SLC4A4: variants seen among roughly 807,000 people sequenced by gnomAD.
SLC4A4 encodes the protein solute carrier family 4 member 4, also known as electrogenic sodium bicarbonate cotransporter 1.
SLC4A4 carries 27 observed loss-of-function variants against 111.5 expected under a neutral mutation model. The ratio of observed to expected loss-of-function variants is 0.24; its 90% CI spans 0.18 to 0.33. The LOEUF (loss-of-function observed/expected upper bound fraction) is 0.33, where lower values mean the gene tolerates loss of function less well. SLC4A4 is among the 10% of genes least tolerant of loss of function. The pLI, the probability that SLC4A4 is intolerant of heterozygous loss-of-function variation, is 1.00. For synonymous variants in SLC4A4, 443 were observed against 463.4 expected, an observed-to-expected ratio of 0.96 and a Z score of 0.57; for missense variants, 909 against 1,315.5, an observed-to-expected ratio of 0.69 and a Z score of 4.78.
intron 3 of SLC4A4, among the ~76,000 whole-genome samples, chr4:71,329,666 A>G (rs1327331949): frequency 2.0e-5 from 3 of 152,036 alleles, no homozygotes; most frequent in Non-Finnish European, 4.4e-5. Flanking sequence ...TGTACTTGAT[A>G]TTGTGTCATG....
intron 3 of SLC4A4, among the ~76,000 whole-genome samples, chr4:71,314,032 C>A (rs1726442700): frequency 6.6e-6 from 1 of 151,988 alleles, no homozygotes; most frequent in Admixed American, 6.6e-5. Context: ...TGACAAAGGT[C>A]TAATTTCCAG....
chr4:71,280,175 T>C (rs1723398132), intron 3 of SLC4A4, among the ~76,000 whole-genome samples: 1 of 152,256 alleles, frequency 6.6e-6, no homozygotes, highest in African/African-American at 2.4e-5. Flanking sequence ...TTTAGTGATG[T>C]TGAACATTTT....
intron 6 of SLC4A4, among the ~76,000 whole-genome samples, chr4:71,359,093 G>A (rs1233203754): frequency 3.9e-5 from 6 of 152,188 alleles, no homozygotes; most frequent in African/African-American, 1.2e-4. Flanking sequence ...TAGAAATTAG[G>A]AACAGATGGA....
intron 7 of SLC4A4, among the ~76,000 whole-genome samples, chr4:71,434,166 G>A (rs1723896979): frequency 6.6e-6 from 1 of 151,902 alleles, no homozygotes; most frequent in Non-Finnish European, 1.5e-5. Flanking sequence ...CTGTTGGTGT[G>A]GGATGTTTTT....
chr4:71,141,363 G>A (rs1310538547), intron 2 of SLC4A4, among the ~76,000 whole-genome samples: 2 of 152,100 alleles, frequency 1.3e-5, no homozygotes, highest in African/African-American at 4.8e-5. Context: ...TGTTTACAAG[G>A]CCCCTGTGAT....
At chr4:71,228,928 TTCTC>T (rs1015880298) in intron 1 of SLC4A4, among the ~76,000 whole-genome samples, 1 of 152,060 alleles carries the variant, frequency 6.6e-6, no homozygotes, top group Non-Finnish European at 1.5e-5. Flanking sequence ...TTGTACTAAT[TTCTC>T]TCTCTCTCTT....
At chr4:71,443,397 G>T (rs1011164974) in intron 8 of SLC4A4, among the ~76,000 whole-genome samples, 1 of 151,682 alleles carries the variant, frequency 6.6e-6, no homozygotes, top group East Asian at 1.9e-4. Context: ...TAATCCACCC[G>T]CCTCGGCCTC....
At chr4:71,494,530 G>A (rs879383421) in intron 15 of SLC4A4, among the ~76,000 whole-genome samples, 1 of 151,920 alleles carries the variant, frequency 6.6e-6, no homozygotes, top group Non-Finnish European at 1.5e-5. Flanking sequence ...GCCCAGGCTA[G>A]TCTCAAATTC....
At position 71,546,479 on chromosome 4, in the gene SLC4A4, G is replaced by C; in HGVS notation, c.2572G>C (p.Glu858Gln). 1 of 1,612,666 alleles carries C rather than the reference G, an allele frequency of 6.2e-7. No individual in the cohort carries two copies. Among genetic ancestry groups the C allele is most frequent in the Non-Finnish European group, 8.5e-7 (1 of 1,179,084 alleles). The change falls in exon 19 of 26, where the codon GAG becomes CAG. Residue 858 changes from glutamate to glutamine, a missense_variant. Physicochemically the swap from Glu to Gln is conservative, Grantham distance 29 (BLOSUM62 2). Around this residue, in one of 7 missense-constraint regions of SLC4A4, gnomAD observed 104 missense variants for 219.5 expected, o/e 0.47. Coordinates refer to ENST00000264485, the MANE Select transcript of SLC4A4 (RefSeq NM_001098484.3). Reference protein sequence around the residue: ...SIAHIDSLKMETETSAPGEQP... With the variant: ...SIAHIDSLKMQTETSAPGEQP... ...TGCTCACATCGACAGTTTGAAGATG[G>C]AGACAGAGACTTCTGCACCTGGAGA...
At position 71,170,018 on chromosome 4, in the gene SLC4A4, C is replaced by T. The variant is rs1162094606; in HGVS notation, c.-1-66558C>T. On this transcript the variant is annotated intron_variant, in intron 2 of 26. Coordinates refer to the SLC4A4 transcript ENST00000649996. Reference sequence around the variant, plus strand: ...CCCTTTGTTCCTCAACCCTCAAGTGCCTTTGAATCTGCTGTTTTCTCTGCC... The same window carrying T: ...CCCTTTGTTCCTCAACCCTCAAGTGTCTTTGAATCTGCTGTTTTCTCTGCC... Among the ~76,000 whole-genome samples, 8 of 152,172 alleles carry T rather than the reference C, an allele frequency of 5.3e-5. 1 individual carries two copies. The highest frequency in any genetic ancestry group is 5.2e-4 in the Admixed American group (8 of 15,276).
chr4:71,211,302 AT>A (rs1718117444), intron 1 of SLC4A4, among the ~76,000 whole-genome samples: 1 of 152,164 alleles, frequency 6.6e-6, no homozygotes, highest in African/African-American at 2.4e-5. Context: ...TTCTCCTATG[AT>A]TCTGTATTCT....
intron 15 of SLC4A4, among the ~76,000 whole-genome samples, chr4:71,495,271 C>G (rs116778432): frequency 1.3e-5 from 2 of 152,058 alleles, no homozygotes; most frequent in Admixed American, 6.6e-5. Flanking sequence ...TGCTTTAATG[C>G]AACTTATCTG....
chr4:71,280,595 C>CT (rs1723432864), intron 3 of SLC4A4, among the ~76,000 whole-genome samples: 1 of 152,086 alleles, frequency 6.6e-6, no homozygotes, highest in African/African-American at 2.4e-5. Context: ...CAATTTCATT[C>CT]TTTTTCCCAG....
At chr4:71,136,826 T>G (rs78366095) in intron 2 of SLC4A4, among the ~76,000 whole-genome samples, 1 of 152,158 alleles carries the variant, frequency 6.6e-6, no homozygotes, top group African/African-American at 2.4e-5. Context: ...GCATTTTTTT[T>G]GGTGCAACTT....
intron 3 of SLC4A4, among the ~76,000 whole-genome samples, chr4:71,305,606 C>A (rs751456290): frequency 2.0e-5 from 3 of 152,204 alleles, no homozygotes; most frequent in Non-Finnish European, 4.4e-5. Context: ...ATATGCAAAA[C>A]CTTTCCCCAT....
chr4:71,458,296 T>G (rs1268260363), intron 12 of SLC4A4, among the ~76,000 whole-genome samples: 8 of 152,100 alleles, frequency 5.3e-5, no homozygotes, highest in Admixed American at 4.6e-4. Flanking sequence ...AAGATACTTA[T>G]ATAAGGAATA....
intron 12 of SLC4A4, among the ~76,000 whole-genome samples, chr4:71,455,011 G>A (rs955317331): frequency 5.3e-5 from 8 of 152,064 alleles, no homozygotes; most frequent in African/African-American, 1.4e-4. Flanking sequence ...AGCTAACTTG[G>A]GCTTTCTCAC....
At chr4:71,536,483 T>A (rs537784019) in intron 18 of SLC4A4, among the ~76,000 whole-genome samples, 35 of 97,692 alleles carry the variant, frequency 3.6e-4, no homozygotes, top group South Asian at 8.1e-4. Context: ...TATATATATA[T>A]ATATGTATAT....
chr4:71,155,711 G>A (rs1019561231), intron 2 of SLC4A4, among the ~76,000 whole-genome samples: 3 of 151,998 alleles, frequency 2.0e-5, no homozygotes, highest in East Asian at 1.9e-4. Flanking sequence ...TGATCCTTCC[G>A]CCTCAGCCTC....
Sources: gnomAD v4.1 joint callset for allele counts (sites outside exome capture counted in the v4.1 genomes callset) on GRCh38, gnomAD v4.1.1 for gene constraint, gnomAD v4.1.1 regional missense constraint, MANE v1.5 for transcripts, NCBI Gene and HGNC (gene_info 2026-07-23, HGNC 2026-07-21) for gene names.